The following WDPCP variants were observed in gnomAD, a reference collection of about 807,000 sequenced individuals.
The protein encoded by WDPCP is WD repeat-containing and planar cell polarity effector protein fritz homolog.
In WDPCP, 71 loss-of-function variants were observed where a neutral mutation model predicts 93.1. The observed-to-expected ratio is 0.76, with a 90% confidence interval of 0.63 to 0.93. The LOEUF (loss-of-function observed/expected upper bound fraction) is 0.93. Ranked by LOEUF, WDPCP falls within the 40% of genes least tolerant of loss-of-function variation. The pLI is 0.00. For synonymous variants in WDPCP, 315 were observed against 315.0 expected (o/e 1.00, Z 0.00); for missense variants, 844 against 887.4 (o/e 0.95, Z 0.62).
chr2:63,827,907 G>C (rs1016081804), upstream of WDPCP: 2 of 152,142 alleles, frequency 1.3e-5, no homozygotes, highest in African/African-American at 4.8e-5. Flanking sequence ...CAGTTTCATG[G>C]GGGTATGCCA....
intron 13 of WDPCP, among the ~76,000 whole-genome samples, chr2:63,271,397 C>G (rs1222654240): frequency 6.6e-6 from 1 of 152,202 alleles, no homozygotes; most frequent in African/African-American, 2.4e-5. Context: ...TTGTCTGCCA[C>G]AGCCTGTGGT....
intron 12 of WDPCP, among the ~76,000 whole-genome samples, chr2:63,354,775 A>G (rs1408743540): frequency 6.6e-6 from 1 of 152,162 alleles, no homozygotes; most frequent in Admixed American, 6.6e-5. Context: ...ACAGAGCTGA[A>G]TAACACAATA....
At chr2:63,816,700 G>A (rs1329117522) in intron 1 of WDPCP, among the ~76,000 whole-genome samples, 2 of 152,134 alleles carry the variant, frequency 1.3e-5, no homozygotes, top group African/African-American at 4.8e-5. Context: ...AAGCCACCAC[G>A]TTTGTAGTCA....
chr2:63,364,405 A>C (rs1323404062), intron 12 of WDPCP, among the ~76,000 whole-genome samples: 1 of 152,102 alleles, frequency 6.6e-6, no homozygotes, highest in Non-Finnish European at 1.5e-5. Flanking sequence ...CTATTAGTTT[A>C]ATGCTGAATC....
intron 10 of WDPCP, among the ~76,000 whole-genome samples, chr2:63,394,085 A>C (rs903155151): frequency 6.6e-6 from 1 of 152,020 alleles, no homozygotes. Context: ...CTAAAGAAAC[A>C]ATCAACAGAG....
intron 13 of WDPCP, among the ~76,000 whole-genome samples, chr2:63,309,115 T>C (rs746770183): frequency 1.3e-5 from 2 of 152,044 alleles, no homozygotes; most frequent in Non-Finnish European, 2.9e-5. Context: ...CCAAAGTTGG[T>C]AGAGGAGTAA....
chr2:63,772,880 G>C (rs1670249112), intron 2 of WDPCP, among the ~76,000 whole-genome samples: 1 of 151,920 alleles, frequency 6.6e-6, no homozygotes, highest in Non-Finnish European at 1.5e-5. Context: ...CCTGATACTG[G>C]GATCAAGTCA....
intron 14 of WDPCP, among the ~76,000 whole-genome samples, chr2:63,178,163 A>G (rs945556852): frequency 6.6e-6 from 1 of 152,168 alleles, no homozygotes; most frequent in African/African-American, 2.4e-5. Flanking sequence ...TCTATCAAGA[A>G]CGTTGGTCTG....
At chr2:63,261,941 GGGCA>G (rs1162364879) in intron 13 of WDPCP, among the ~76,000 whole-genome samples, 2 of 152,036 alleles carry the variant, frequency 1.3e-5, no homozygotes, top group African/African-American at 2.4e-5. Context: ...GAAAAACTGG[GGGCA>G]ACTAAAATGT....
At chr2:63,625,963 C>G (rs869131286) in intron 3 of WDPCP, among the ~76,000 whole-genome samples, 1 of 152,144 alleles carries the variant, frequency 6.6e-6, no homozygotes, top group Non-Finnish European at 1.5e-5. Flanking sequence ...GTAACCAAAA[C>G]AGCATGGTAC....
intron 15 of WDPCP, among the ~76,000 whole-genome samples, chr2:63,155,556 AG>A (rs36002067): frequency 0.2 from 31,029 of 152,166 alleles, 3,525 homozygotes; most frequent in Middle Eastern, 0.35. Context: ...GGCAAACCAC[AG>A]TCCCTAGGCC....
chr2:63,416,721 AC>A (rs1483120818), intron 9 of WDPCP, among the ~76,000 whole-genome samples: 12 of 149,966 alleles, frequency 8.0e-5, no homozygotes, highest in African/African-American at 3.0e-4. Context: ...ACGGGTTTTC[AC>A]CATGTTTGCC....
At chr2:63,326,262 C>A (rs1316101199) in intron 12 of WDPCP, among the ~76,000 whole-genome samples, 1 of 152,180 alleles carries the variant, frequency 6.6e-6, no homozygotes, top group African/African-American at 2.4e-5. Flanking sequence ...TGACTGCCAA[C>A]AAATTATAGT....
chr2:63,705,853 G>T (rs1469034195), intron 2 of WDPCP, among the ~76,000 whole-genome samples: 1 of 151,732 alleles, frequency 6.6e-6, no homozygotes, highest in Non-Finnish European at 1.5e-5. Flanking sequence ...GGATATCCTT[G>T]TTAACTTTCT....
chr2:63,247,834 T>G (rs1341433165), intron 14 of WDPCP, among the ~76,000 whole-genome samples: 3 of 152,114 alleles, frequency 2.0e-5, no homozygotes, highest in African/African-American at 7.2e-5. Flanking sequence ...ACATATAGGC[T>G]TTTTGTTACT....
intron 3 of WDPCP, among the ~76,000 whole-genome samples, chr2:63,622,985 G>A (rs929046641): frequency 6.6e-6 from 1 of 152,340 alleles, no homozygotes; most frequent in Non-Finnish European, 1.5e-5. Flanking sequence ...AGCTGCTGCC[G>A]CCGCCATGAG....
At chr2:63,708,699 C>T (rs1259033758) in intron 2 of WDPCP, among the ~76,000 whole-genome samples, 6 of 152,118 alleles carry the variant, frequency 3.9e-5, no homozygotes, top group Non-Finnish European at 7.4e-5. Flanking sequence ...ATGCAGAAAT[C>T]AGCTGTCCCA....
chr2:63,677,376 C>T (rs1478562042), intron 2 of WDPCP, among the ~76,000 whole-genome samples: 1 of 151,946 alleles, frequency 6.6e-6, no homozygotes, highest in Non-Finnish European at 1.5e-5. Flanking sequence ...AGACACAGAT[C>T]CACAGAAGAT....
At chr2:63,699,678 G>A (rs1414344536) in intron 2 of WDPCP, among the ~76,000 whole-genome samples, 3 of 152,222 alleles carry the variant, frequency 2.0e-5, no homozygotes, top group African/African-American at 7.2e-5. Flanking sequence ...ATAACAAAGC[G>A]AGAAGTCTCG....
Sources: gnomAD v4.1 joint callset for allele counts (sites outside exome capture counted in the v4.1 genomes callset) on GRCh38, gnomAD v4.1.1 for gene constraint, MANE v1.5 for transcripts, NCBI Gene and HGNC (gene_info 2026-07-23, HGNC 2026-07-21) for gene names.